AUTS2: variants seen among roughly 807,000 people sequenced by gnomAD.
AUTS2 encodes the protein activator of transcription and developmental regulator AUTS2.
In AUTS2, 17 loss-of-function variants were observed where a neutral mutation model predicts 112.4. That is an observed-to-expected ratio of 0.15 (90% CI 0.10 to 0.23). AUTS2 has a LOEUF of 0.23. AUTS2 is among the 10% of genes least tolerant of loss of function. The probability of loss-of-function intolerance (pLI) is 1.00; values close to 1 mark genes in which losing one functional copy is unlikely to be tolerated. For synonymous variants in AUTS2, 751 were observed against 702.7 expected (o/e 1.07, Z -1.09); for missense variants, 1,510 against 1,701.6 (o/e 0.89, Z 1.98).
chr7:70,425,696 G>T (rs1795405130), intron 4 of AUTS2, among the ~76,000 whole-genome samples: 1 of 152,202 alleles, frequency 6.6e-6, no homozygotes, highest in Non-Finnish European at 1.5e-5. Flanking sequence ...AGCAAGACTT[G>T]TATATGTTAA....
intron 2 of AUTS2, among the ~76,000 whole-genome samples, chr7:70,082,809 C>G (rs1803386296): frequency 6.6e-6 from 1 of 152,158 alleles, no homozygotes; most frequent in Non-Finnish European, 1.5e-5. Flanking sequence ...TTTGTACTGA[C>G]TTGGTCTTCT....
At chr7:70,744,425 C>T (rs1788311839) in intron 6 of AUTS2, among the ~76,000 whole-genome samples, 1 of 152,128 alleles carries the variant, frequency 6.6e-6, no homozygotes, top group South Asian at 2.1e-4. Flanking sequence ...TCTAGGCCGC[C>T]CTCTCCTGTC....
At chr7:70,458,542 A>G (rs575521608) in intron 5 of AUTS2, among the ~76,000 whole-genome samples, 2 of 152,194 alleles carry the variant, frequency 1.3e-5, no homozygotes, top group Non-Finnish European at 2.9e-5. Flanking sequence ...GATGGCTGCC[A>G]AGTGGCCGGG....
intron 4 of AUTS2, among the ~76,000 whole-genome samples, chr7:70,233,663 A>G (rs1812173022): frequency 6.6e-6 from 1 of 152,222 alleles, no homozygotes; most frequent in Non-Finnish European, 1.5e-5. Context: ...CACACAGTCA[A>G]ACAGCGTCTA....
intron 4 of AUTS2, among the ~76,000 whole-genome samples, chr7:70,149,886 G>A (rs1296344569): frequency 1.3e-5 from 2 of 151,862 alleles, no homozygotes; most frequent in Non-Finnish European, 2.9e-5. Context: ...ATGCAGTTTG[G>A]TCAAAGAAAA....
chr7:70,419,862 G>A (rs555881232), intron 4 of AUTS2, among the ~76,000 whole-genome samples: 67 of 152,278 alleles, frequency 4.4e-4, no homozygotes, highest in African/African-American at 1.5e-3. Flanking sequence ...GATTACTAGT[G>A]AGGTGGAACA....
At chr7:70,576,942 C>T (rs1271724140) in intron 5 of AUTS2, among the ~76,000 whole-genome samples, 2 of 152,096 alleles carry the variant, frequency 1.3e-5, no homozygotes, top group Non-Finnish European at 2.9e-5. Flanking sequence ...AAATGCTACT[C>T]CAGAGGATCT....
At chr7:70,714,268 C>A (rs762648769) in intron 6 of AUTS2, among the ~76,000 whole-genome samples, 1 of 152,130 alleles carries the variant, frequency 6.6e-6, no homozygotes, top group Non-Finnish European at 1.5e-5. Context: ...TACCTAGATT[C>A]ATATTAAGAC....
chr7:70,243,022 A>G (rs1176363189), intron 4 of AUTS2, among the ~76,000 whole-genome samples: 1 of 152,128 alleles, frequency 6.6e-6, no homozygotes, highest in Non-Finnish European at 1.5e-5. Flanking sequence ...ACCCTTAGGC[A>G]TCCTTTATTT....
intron 4 of AUTS2, among the ~76,000 whole-genome samples, chr7:70,156,065 C>T (rs1807742101): frequency 6.6e-6 from 1 of 152,122 alleles, no homozygotes; most frequent in African/African-American, 2.4e-5. Context: ...TTGTCTCCAT[C>T]CATAACTTCA....
At chr7:69,944,374 T>C (rs985779281) in intron 2 of AUTS2, among the ~76,000 whole-genome samples, 3 of 152,238 alleles carry the variant, frequency 2.0e-5, no homozygotes, top group African/African-American at 7.2e-5. Context: ...AGATGGAGAC[T>C]GCTGGAGTAG....
intron 2 of AUTS2, among the ~76,000 whole-genome samples, chr7:69,929,793 C>A (rs1462543102): frequency 6.6e-6 from 1 of 152,194 alleles, no homozygotes; most frequent in Admixed American, 6.5e-5. Context: ...TTGCAATTAA[C>A]CTCAGTGCCA....
At chr7:69,728,923 A>G (rs1239700410) in intron 1 of AUTS2, among the ~76,000 whole-genome samples, 1 of 151,962 alleles carries the variant, frequency 6.6e-6, no homozygotes, top group Non-Finnish European at 1.5e-5. Context: ...CGAACATTGG[A>G]TTTTTTAGTG....
chr7:69,627,663 A>G (rs61135042), intron 1 of AUTS2, among the ~76,000 whole-genome samples: 93,445 of 151,834 alleles, frequency 0.62, 29,058 homozygotes, highest in East Asian at 0.7. Context: ...CTGTGGATTA[A>G]GAGTAGGGGA....
At chr7:70,134,484 G>A (rs891213339) in intron 3 of AUTS2, 52 bp from the exon 4 acceptor site, 14 of 1,537,820 alleles carry the variant, frequency 9.1e-6, no homozygotes, top group Admixed American at 5.0e-5. Context: ...GGATTGGAAC[G>A]TGTTAAAAAC....
chr7:69,895,552 C>T lies in AUTS2; in HGVS notation c.310-3734C>T, dbSNP rs536856558. 9.3e-3 allele frequency among the ~76,000 whole-genome samples: 1,369 copies of T among 147,198 alleles called. 26 individuals are homozygous for T. Among genetic ancestry groups the T allele is most frequent in the Middle Eastern group, 0.028 (8 of 288 alleles). ...CCTCTCTCTCTCTTCTTCCCCCCCCCCGAGTGGAAAATCTCAATATTAATT... is the reference window on the plus strand; with the variant it reads ...CCTCTCTCTCTCTTCTTCCCCCCCCTCGAGTGGAAAATCTCAATATTAATT... On this transcript the variant is annotated intron_variant, in intron 1 of 18. Coordinates refer to ENST00000342771, the MANE Select transcript of AUTS2 (RefSeq NM_015570.4).
intron 1 of AUTS2, among the ~76,000 whole-genome samples, chr7:69,676,656 A>AT (rs1433989484): frequency 1.3e-5 from 2 of 152,210 alleles, no homozygotes; most frequent in Non-Finnish European, 2.9e-5. Flanking sequence ...CTCTATAGCC[A>AT]TATGTCCATC....
intron 5 of AUTS2, among the ~76,000 whole-genome samples, chr7:70,649,533 T>TTTAG: frequency 6.6e-6 from 1 of 151,250 alleles, no homozygotes; most frequent in African/African-American, 2.4e-5. Flanking sequence ...TATTTATTTA[T>TTTAG]TTATTTATTT....
At position 70,791,263 on chromosome 7, in the gene AUTS2, C is replaced by G. The variant is rs1316850624; in HGVS notation, c.*267C>G. 2 of 272,018 alleles carry G rather than the reference C, an allele frequency of 7.4e-6. No homozygotes were observed. The highest frequency in any genetic ancestry group is 5.8e-5 in the East Asian group (1 of 17,352). 16.9% of individuals were successfully genotyped at this position (272,018 alleles called of 1,614,324 possible). The stretch of plus-strand genomic sequence containing the variant: ...TAAAACTTTTTGATTTGAACCAAAA[C>G]AGTGAAGATGACAACACACACCAAT... On this transcript the variant is annotated 3_prime_UTR_variant, in exon 19 of 19. Coordinates refer to ENST00000342771, the MANE Select transcript of AUTS2 (RefSeq NM_015570.4).
Sources: gnomAD v4.1 joint callset for allele counts (sites outside exome capture counted in the v4.1 genomes callset) on GRCh38, gnomAD v4.1.1 for gene constraint, MANE v1.5 for transcripts, NCBI Gene and HGNC (gene_info 2026-07-23, HGNC 2026-07-21) for gene names.